SH2D7: variants seen among roughly 807,000 people sequenced by gnomAD.
The protein encoded by SH2D7 is SH2 domain-containing protein 7.
A neutral mutation model predicts 40.8 loss-of-function variants in SH2D7; 32 were observed. That is an observed-to-expected ratio of 0.78 (90% CI 0.59 to 1.05). SH2D7 has a LOEUF of 1.05. Among genes scored for constraint, SH2D7 ranks in the 50% least tolerant of loss-of-function variants. The pLI is 0.00. For missense variants in SH2D7, 559 were observed against 566.6 expected (o/e 0.99, Z 0.14); for synonymous variants, 195 against 221.5 (o/e 0.88, Z 1.06).
At chr15:78,097,098 A>G (rs892879235) in intron 2 of SH2D7, among the ~76,000 whole-genome samples, 6 of 152,226 alleles carry the variant, frequency 3.9e-5, no homozygotes, top group Admixed American at 1.3e-4. Flanking sequence ...AATCTCCAAG[A>G]TATAATGTTG....
In SH2D7 at chr15:78,103,732, T is replaced by A; in HGVS notation, c.*217T>A. 1.8e-6 allele frequency: 1 copy of A among 564,628 alleles called. No homozygotes were observed. 35.0% of individuals were successfully genotyped at this position (564,628 alleles called of 1,614,324 possible). Reference sequence around the variant, plus strand: ...TGCAGCTCCTGGCTATGTCCTGCTTTCCTTGTGCCTCCCATCCATGCACAG... The same window carrying A: ...TGCAGCTCCTGGCTATGTCCTGCTTACCTTGTGCCTCCCATCCATGCACAG... On this transcript the variant is annotated 3_prime_UTR_variant, in exon 6 of 6. Transcript: ENST00000328828.
At position 78,097,813 on chromosome 15, in the gene SH2D7, G is replaced by C. The variant is rs1300404911; in HGVS notation, c.267-116G>C. The stretch of plus-strand genomic sequence containing the variant: ...CAGTGGCCCCAGGTCAGGCAGGTCT[G>C]TTCTGGATCAAGAGCTGGGACCCCT... On this transcript the variant is annotated intron_variant, in intron 2 of 5. Transcript: ENST00000328828. 7.3e-6 allele frequency: 10 copies of C among 1,362,382 alleles called. No individual in the cohort carries two copies. The Admixed American group carries it at 1.5e-4, about 20-fold the overall frequency. The allele number at this position is 1,362,382 out of a possible 1,614,324, so 84.4% of individuals were successfully genotyped here.
intron 2 of SH2D7, among the ~76,000 whole-genome samples, chr15:78,097,230 G>A (rs985284727): frequency 6.6e-5 from 10 of 152,210 alleles, no homozygotes; most frequent in African/African-American, 2.2e-4. Flanking sequence ...GGATGGGAGC[G>A]CAAGTAGGTC....
chr15:78,103,621 G>A lies in SH2D7; in HGVS notation c.*106G>A. The stretch of plus-strand genomic sequence containing the variant: ...CTTGAAGGCACCCTTTGGATCTTGA[G>A]ACTCATCCAGCCTGCTACAGAACTA... On this transcript the variant is annotated 3_prime_UTR_variant, in exon 6 of 6. Coordinates refer to ENST00000328828, the MANE Select transcript of SH2D7 (RefSeq NM_001101404.2). 1 of 1,347,954 alleles carries A rather than the reference G, an allele frequency of 7.4e-7. No homozygotes were observed. Among genetic ancestry groups the A allele is most frequent in the Non-Finnish European group, 1.0e-6 (1 of 976,862 alleles). The allele number at this position is 1,347,954 out of a possible 1,614,324, so 83.5% of individuals were successfully genotyped here.
rs150121384 is a variant in SH2D7 at position 78,093,778 on chromosome 15, C to T, written c.177-334C>T. Among the ~76,000 whole-genome samples, 76 of 152,380 alleles carry T rather than the reference C, an allele frequency of 5.0e-4. No individual in the cohort carries two copies. In the East Asian group the frequency reaches 0.013, roughly 27 times the overall value. On this transcript the variant is annotated intron_variant, in intron 1 of 5. Coordinates refer to ENST00000328828, the MANE Select transcript of SH2D7 (RefSeq NM_001101404.2). ...CAGCTGTGTGGATTTATTCTTGCTA[C>T]ACAACCATCCAGGTGGAGAGTGGGT... is the stretch of plus-strand genomic sequence containing the variant.
intron 4 of SH2D7, among the ~76,000 whole-genome samples, chr15:78,100,668 G>A (rs2074007501): frequency 6.6e-6 from 1 of 152,164 alleles, no homozygotes; most frequent in Admixed American, 6.5e-5. Context: ...CTGCACTATA[G>A]CCTGGGCAAC....
rs2073985825 is a variant in SH2D7, at chr15:78,098,077, ACTGCTGC to A, written c.420_426del (p.Ala141ProfsTer61). 1 of 1,611,306 alleles carries A rather than the reference ACTGCTGC, an allele frequency of 6.2e-7. No homozygotes were observed. The highest frequency in any genetic ancestry group is 1.3e-5 in the African/African-American group (1 of 74,880). On this transcript the variant is annotated frameshift_variant, in exon 3 of 6. Transcript: ENST00000328828. LOFTEE classifies it high-confidence loss of function. ...GCTCGAGCCCTTCAAAGAGATGCTG[ACTGCTGC>A]CTGCCCCCGGGTAGGCGCCCCACTT...
At chr15:78,098,328 C>T in intron 3 of SH2D7, 56 bp from the exon 4 acceptor site, 1 of 1,591,306 alleles carries the variant, frequency 6.3e-7, no homozygotes, top group South Asian at 1.1e-5. Context: ...AGGCAGGCAG[C>T]TGGAGACTGG....
rs376378475 is a variant in SH2D7 at position 78,101,412 on chromosome 15, G to A, written c.1159G>A (p.Ala387Thr). ...IPACWGGPARAPHPGASPTYS... is the reference protein window; with the variant it reads ...IPACWGGPARTPHPGASPTYS... Reference sequence around the variant, plus strand: ...AGCTTGCTGGGGTGGCCCAGCCAGGGCCCCACATCCTGGGGCCAGTCCCAC... The same window carrying A: ...AGCTTGCTGGGGTGGCCCAGCCAGGACCCCACATCCTGGGGCCAGTCCCAC... The change falls in exon 5 of 6, where the codon GCC (alanine) becomes ACC (threonine). Residue 387 changes from alanine to threonine, a missense_variant. Ala to Thr is a moderately conservative substitution (Grantham distance 58). Coordinates refer to ENST00000328828, the MANE Select transcript of SH2D7 (RefSeq NM_001101404.2). 20 of 1,613,340 alleles carry A rather than the reference G, an allele frequency of 1.2e-5. No individual in the cohort carries two copies. In the African/African-American group the frequency reaches 1.9e-4, roughly 15 times the overall value.
chr15:78,100,954 C>A lies in SH2D7; in HGVS notation c.701C>A (p.Ser234Tyr). The A allele has an allele frequency of 6.2e-7, 1 of 1,613,954 alleles. No individual in the cohort carries two copies. Among genetic ancestry groups the A allele is most frequent in the Non-Finnish European group, 8.5e-7 (1 of 1,179,892 alleles). The change falls in exon 5 of 6, where the codon TCT becomes TAT. Residue 234 changes from serine (S) to tyrosine (Y), a missense_variant. Coordinates refer to ENST00000328828, the MANE Select transcript of SH2D7 (RefSeq NM_001101404.2). ...AAGAGTTCCTCCCTCCTGGAAGAGT[C>A]TTTTGGAGGCCCCAGTGACATCATC... ...PEKSSSLLEE[S>Y]FGGPSDIIYA... is the part of the protein sequence containing the mutation.
intron 2 of SH2D7, among the ~76,000 whole-genome samples, 198 bp from the exon 3 acceptor site, chr15:78,097,731 G>A (rs929751742): frequency 1.3e-5 from 2 of 152,158 alleles, no homozygotes; most frequent in East Asian, 1.9e-4. Flanking sequence ...AGGGCTCCAC[G>A]GTTTGAAAAC....
Position 78,094,163 on chromosome 15 carries a change from C to T in SH2D7, c.228C>T (p.Arg76=). 6.2e-7 allele frequency: 1 copy of T among 1,609,048 alleles called. No homozygotes were observed. Among genetic ancestry groups the T allele is most frequent in the Non-Finnish European group, 8.5e-7 (1 of 1,178,046 alleles). The part of the protein sequence containing the change: ...RDKALGSFLI[R]LSDRATGYIL... ...AAGCTCTTGGTTCCTTCCTTATCCG[C>T]CTCAGTGACCGAGCCACTGGCTACA... The change falls in exon 2 of 6, where the codon CGC becomes CGT. Residue 76 remains arginine (R), a synonymous_variant. Coordinates refer to ENST00000328828, the MANE Select transcript of SH2D7 (RefSeq NM_001101404.2).
rs1041391056 is a variant in SH2D7 at position 78,095,777 on chromosome 15, C to T, written c.266+1576C>T. Among the ~76,000 whole-genome samples, 9 of 152,136 alleles carry T rather than the reference C, an allele frequency of 5.9e-5. No homozygotes were observed. In the South Asian group the frequency reaches 8.3e-4, roughly 14 times the overall value. ...GTTTTTTTAAACAGGACACAAAAAG[C>T]GCTAATCTTAAAAGAGTGATTAACT... On this transcript the variant is annotated intron_variant, in intron 2 of 5. Coordinates refer to ENST00000328828, the MANE Select transcript of SH2D7 (RefSeq NM_001101404.2).
At chr15:78,097,897 G>A (rs1278160386) in intron 2 of SH2D7, 32 bp from the exon 3 acceptor site, 32 of 1,606,176 alleles carry the variant, frequency 2.0e-5, no homozygotes, top group Non-Finnish European at 2.6e-5. Flanking sequence ...CCTGTGACCA[G>A]CAGCCCCAGA....
Position 78,100,974 on chromosome 15 carries a change from A to G in SH2D7, c.721A>G (p.Ile241Val), listed in dbSNP as rs1381999404. Residue 241 changes from isoleucine to valine, a missense_variant, in exon 5 of 6, where the codon ATC (isoleucine) becomes GTC (valine). Transcript: ENST00000328828. Reference protein sequence around the residue: ...LEESFGGPSDIIYADLRRMNQ... With the variant: ...LEESFGGPSDVIYADLRRMNQ... ...AGAGTCTTTTGGAGGCCCCAGTGAC[A>G]TCATCTATGCAGACCTGAGGAGGAT... 1.2e-6 allele frequency: 2 copies of G among 1,613,984 alleles called. No homozygotes were observed. Among genetic ancestry groups the G allele is most frequent in the Middle Eastern group, 1.6e-4 (1 of 6,062 alleles).
intron 1 of SH2D7, among the ~76,000 whole-genome samples, chr15:78,093,704 G>A (rs1453811163): frequency 6.6e-6 from 1 of 152,224 alleles, no homozygotes; most frequent in African/African-American, 2.4e-5. Context: ...CTGCAGCACT[G>A]TACACAGTGG....
Position 78,100,887 on chromosome 15 carries a change from C to A in SH2D7, c.646-12C>A. 1 of 1,610,176 alleles carries A rather than the reference C, an allele frequency of 6.2e-7. No individual in the cohort carries two copies. The highest frequency in any genetic ancestry group is 1.7e-5 in the Admixed American group (1 of 59,256). Reference sequence around the variant, plus strand: ...CTGCCCCTTAAGAGTTTCTCTGTCCCTGTCTCCCCAGGCTCCCATCAGAGT... The same window carrying A: ...CTGCCCCTTAAGAGTTTCTCTGTCCATGTCTCCCCAGGCTCCCATCAGAGT... On this transcript the variant is annotated splice_polypyrimidine_tract_variant and intron_variant, in intron 4 of 5. Coordinates refer to ENST00000328828, the MANE Select transcript of SH2D7 (RefSeq NM_001101404.2).
chr15:78,098,082 TG>T lies in SH2D7; in HGVS notation c.421del (p.Ala141ProfsTer63), dbSNP rs2073985852. 4.3e-6 allele frequency: 7 copies of T among 1,610,272 alleles called. No homozygotes were observed. Among genetic ancestry groups the T allele is most frequent in the Non-Finnish European group, 5.9e-6 (7 of 1,177,980 alleles). On this transcript the variant is annotated frameshift_variant, in exon 3 of 6. Coordinates refer to ENST00000328828, the MANE Select transcript of SH2D7 (RefSeq NM_001101404.2). LOFTEE classifies it high-confidence loss of function. ...LEPFKEMLTAACPRPEDNDLY... is the reference protein window; with the variant it reads ...LEPFKEMLTAXCPRPEDNDLY... Reference sequence around the variant, plus strand: ...AGCCCTTCAAAGAGATGCTGACTGCTGCCTGCCCCCGGGTAGGCGCCCCACT... The same window carrying T: ...AGCCCTTCAAAGAGATGCTGACTGCTCCTGCCCCCGGGTAGGCGCCCCACT...
Position 78,100,556 on chromosome 15 carries a change from G to A in SH2D7, c.646-343G>A, listed in dbSNP as rs28657420. Among the ~76,000 whole-genome samples, 38 of 152,182 alleles carry A rather than the reference G, an allele frequency of 2.5e-4. 1 individual carries two copies. In the South Asian group the frequency reaches 7.7e-3, roughly 31 times the overall value. ...CTACAAAAATACAAAAATTACCTGG[G>A]CATGATGGTGGGAGCCTGTAATCCC... On this transcript the variant is annotated intron_variant, in intron 4 of 5. Coordinates refer to ENST00000328828, the MANE Select transcript of SH2D7 (RefSeq NM_001101404.2).
Sources: gnomAD v4.1 joint callset for allele counts (sites outside exome capture counted in the v4.1 genomes callset) on GRCh38, gnomAD v4.1.1 for gene constraint, MANE v1.5 for transcripts, NCBI Gene and HGNC (gene_info 2026-07-23, HGNC 2026-07-21) for gene names.